NALF1: variants seen among roughly 807,000 people sequenced by gnomAD.
NALF1 encodes NALCN channel auxiliary factor 1.
A neutral mutation model predicts 48.4 loss-of-function variants in NALF1; 3 were observed. The observed-to-expected ratio is 0.06, with a 90% CI of 0.03 to 0.16. The LOEUF (loss-of-function observed/expected upper bound fraction) is 0.16, where lower values mean the gene tolerates loss of function less well. Ranked by LOEUF, NALF1 falls within the 10% of genes least tolerant of loss-of-function variation. The pLI is 1.00. For synonymous variants in NALF1, 262 were observed against 245.7 expected (o/e 1.07, Z -0.62); for missense variants, 526 against 571.5 (o/e 0.92, Z 0.81).
At chr13:107,603,521 G>T (rs9671088) in intron 1 of NALF1, among the ~76,000 whole-genome samples, 4 of 151,852 alleles carry the variant, frequency 2.6e-5, no homozygotes, top group Middle Eastern at 3.2e-3. Flanking sequence ...TTAATATACC[G>T]AAGTATATCA....
rs1594084900 is a variant in NALF1, at chr13:107,478,977, G to T, written c.916-268222C>A. ...AGTAACAGTTCAAAAGTATCTTCAGGGTTTCATCATGCAGAGCACCTGGCA... is the reference window on the plus strand; with the variant it reads ...AGTAACAGTTCAAAAGTATCTTCAGTGTTTCATCATGCAGAGCACCTGGCA... On this transcript the variant is annotated intron_variant, in intron 1 of 2. Coordinates refer to ENST00000375915, the MANE Select transcript of NALF1 (RefSeq NM_001080396.3). Among the ~76,000 whole-genome samples, 4 of 152,140 alleles carry T rather than the reference G, an allele frequency of 2.6e-5. 1 individual carries two copies. The East Asian group carries it at 7.7e-4, about 29-fold the overall frequency.
intron 1 of NALF1, among the ~76,000 whole-genome samples, chr13:107,808,322 T>G (rs1449856109): frequency 6.6e-6 from 1 of 152,160 alleles, no homozygotes. Flanking sequence ...GTGACTCCAT[T>G]CTAATTCTGA....
intron 1 of NALF1, among the ~76,000 whole-genome samples, chr13:107,415,473 A>G (rs971635651): frequency 3.3e-5 from 5 of 152,064 alleles, no homozygotes; most frequent in African/African-American, 1.2e-4. Context: ...ATTTAGGATT[A>G]GTAGTGGGTG....
intron 1 of NALF1, among the ~76,000 whole-genome samples, chr13:107,337,536 A>G (rs1357236266): frequency 6.6e-6 from 1 of 152,172 alleles, no homozygotes; most frequent in Non-Finnish European, 1.5e-5. Flanking sequence ...ATAAATAAGA[A>G]GAGATGAATA....
intron 1 of NALF1, among the ~76,000 whole-genome samples, chr13:107,238,936 A>T (rs748521678): frequency 3.3e-5 from 5 of 152,116 alleles, no homozygotes; most frequent in African/African-American, 1.2e-4. Context: ...TAACAGCTGT[A>T]TGGGGGATGG....
In NALF1 at chr13:107,165,935, A is replaced by G. The variant is rs995020264; in HGVS notation, c.*4562T>C. On this transcript the variant is annotated 3_prime_UTR_variant, in exon 3 of 3. Coordinates refer to ENST00000375915, the MANE Select transcript of NALF1 (RefSeq NM_001080396.3). ...CTAACTTTGACAAACAAGTAGGATC[A>G]TTCATCATTATGGTATACATGTGCT... 1 of 151,866 alleles carries G rather than the reference A, an allele frequency of 6.6e-6. No homozygotes were observed. Among genetic ancestry groups the G allele is most frequent in the Non-Finnish European group, 1.5e-5 (1 of 68,016 alleles). 9.4% of individuals were successfully genotyped at this position (151,866 alleles called of 1,614,324 possible). A position where few individuals can be genotyped will look rare whatever the true frequency, so the allele number is the denominator to read the frequency against.
chr13:107,417,392 A>T (rs1884108348), intron 1 of NALF1, among the ~76,000 whole-genome samples: 1 of 151,648 alleles, frequency 6.6e-6, no homozygotes, highest in Admixed American at 6.6e-5. Context: ...TCTTCATAAA[A>T]GTAGGTATCT....
chr13:107,184,586 C>T (rs1879133979), intron 2 of NALF1, among the ~76,000 whole-genome samples: 1 of 152,150 alleles, frequency 6.6e-6, no homozygotes, highest in Non-Finnish European at 1.5e-5. Context: ...TTCCCCATTG[C>T]ATTGCAATAT....
chr13:107,271,108 A>G (rs1210328479), intron 1 of NALF1, among the ~76,000 whole-genome samples: 2 of 152,194 alleles, frequency 1.3e-5, no homozygotes, highest in Non-Finnish European at 2.9e-5. Context: ...GGTAGTTTGT[A>G]GTAGACAGAA....
chr13:107,579,912 A>G (rs1878257702), intron 1 of NALF1, among the ~76,000 whole-genome samples: 1 of 151,926 alleles, frequency 6.6e-6, no homozygotes, highest in Non-Finnish European at 1.5e-5. Context: ...ATCTAGAACT[A>G]GAAATACCAT....
chr13:107,574,779 T>G (rs1878088101), intron 1 of NALF1, among the ~76,000 whole-genome samples: 1 of 152,188 alleles, frequency 6.6e-6, no homozygotes, highest in Non-Finnish European at 1.5e-5. Context: ...TCAATCTGCA[T>G]ATCAATGAAC....
At chr13:107,427,034 A>G (rs1884292437) in intron 1 of NALF1, among the ~76,000 whole-genome samples, 1 of 151,946 alleles carries the variant, frequency 6.6e-6, no homozygotes, top group East Asian at 1.9e-4. Flanking sequence ...ATGTTAGCCA[A>G]TTACCCCAAT....
chr13:107,499,470 A>T (rs1022177745), intron 1 of NALF1, among the ~76,000 whole-genome samples: 1 of 152,040 alleles, frequency 6.6e-6, no homozygotes, highest in Non-Finnish European at 1.5e-5. Flanking sequence ...GACCTCCCAA[A>T]CTGCTGGGAT....
chr13:107,266,988 C>A (rs188872377), intron 1 of NALF1, among the ~76,000 whole-genome samples: 1 of 152,118 alleles, frequency 6.6e-6, no homozygotes, highest in African/African-American at 2.4e-5. Context: ...GGATGTTTAC[C>A]GAGCCAGTGT....
intron 1 of NALF1, among the ~76,000 whole-genome samples, chr13:107,561,906 T>C (rs1188959093): frequency 6.6e-6 from 1 of 152,244 alleles, no homozygotes; most frequent in Non-Finnish European, 1.5e-5. Flanking sequence ...TTGCATTATT[T>C]ATTAATGGAC....
chr13:107,199,674 G>A (rs1020914798), intron 2 of NALF1, among the ~76,000 whole-genome samples: 76 of 152,142 alleles, frequency 5.0e-4, no homozygotes, highest in African/African-American at 1.8e-3. Context: ...TCCAGGTAGC[G>A]GAGGTGTGTG....
chr13:107,575,692 C>T (rs534699369), intron 1 of NALF1, among the ~76,000 whole-genome samples: 1 of 152,248 alleles, frequency 6.6e-6, no homozygotes, highest in African/African-American at 2.4e-5. Context: ...AAGATGGACT[C>T]CTGGCTGTCA....
intron 2 of NALF1, among the ~76,000 whole-genome samples, chr13:107,180,675 T>TA (rs1450503612): frequency 6.6e-6 from 1 of 151,822 alleles, no homozygotes; most frequent in African/African-American, 2.4e-5. Context: ...ATCTCATATA[T>TA]AAAAATATAT....
chr13:107,422,051 C>A (rs1419295354), intron 1 of NALF1, among the ~76,000 whole-genome samples: 2 of 152,110 alleles, frequency 1.3e-5, no homozygotes, highest in Non-Finnish European at 2.9e-5. Flanking sequence ...TCAACCCTTA[C>A]CCATAAGATG....
Sources: allele counts gnomAD v4.1 joint callset (sites outside exome capture counted in the v4.1 genomes callset), GRCh38; gene constraint gnomAD v4.1.1; transcripts MANE v1.5; gene names NCBI Gene and HGNC (gene_info 2026-07-23, HGNC 2026-07-21).